The following UBE3D variants were observed in gnomAD, a reference collection of about 807,000 sequenced individuals.
UBE3D encodes the protein E3 ubiquitin-protein ligase E3D.
Under a neutral mutation model 49.6 loss-of-function variants are expected in UBE3D, and 48 were observed. The observed-to-expected ratio is 0.97, with a 90% CI of 0.77 to 1.23. The LOEUF (loss-of-function observed/expected upper bound fraction) is 1.23. UBE3D is among the 50% of genes most tolerant of loss of function. The pLI is 0.00. For synonymous variants in UBE3D, 189 were observed against 174.2 expected, an observed-to-expected ratio of 1.08 and a Z score of -0.67; for missense variants, 452 against 468.4, an observed-to-expected ratio of 0.96 and a Z score of 0.32.
chr6:82,983,379 T>C (rs6911938), intron 8 of UBE3D, among the ~76,000 whole-genome samples: 26,782 of 151,750 alleles, frequency 0.18, 2,515 homozygotes, highest in African/African-American at 0.24. Flanking sequence ...CAAGCTCTTG[T>C]AATACTACAT....
At chr6:82,939,450 G>T (rs1217242552) in intron 9 of UBE3D, among the ~76,000 whole-genome samples, 2 of 152,202 alleles carry the variant, frequency 1.3e-5, no homozygotes, top group East Asian at 3.8e-4. Context: ...ATGTACAACA[G>T]TAGTCTCATA....
intron 8 of UBE3D, among the ~76,000 whole-genome samples, chr6:82,959,785 T>A (rs73749482): frequency 0.034 from 5,125 of 150,158 alleles, 141 homozygotes; most frequent in East Asian, 0.1. Context: ...GCCTGCCTTT[T>A]ACACACCAGT....
intron 9 of UBE3D, among the ~76,000 whole-genome samples, chr6:82,902,788 G>C (rs1771832494): frequency 6.6e-6 from 1 of 152,166 alleles, no homozygotes; most frequent in Admixed American, 6.5e-5. Context: ...TCAGTAGTTT[G>C]TATAAGCTCT....
chr6:82,894,621 C>G (rs1445299427), intron 9 of UBE3D, among the ~76,000 whole-genome samples: 1 of 152,202 alleles, frequency 6.6e-6, no homozygotes, highest in Non-Finnish European at 1.5e-5. Context: ...CCCTTCAAAA[C>G]TTAATAATAA....
At chr6:82,929,526 T>C (rs1165049439) in intron 9 of UBE3D, among the ~76,000 whole-genome samples, 1 of 152,092 alleles carries the variant, frequency 6.6e-6, no homozygotes, top group African/African-American at 2.4e-5. Context: ...TTTCTGTCAG[T>C]CTAGCAAAGT....
rs369029986 is a variant in UBE3D, at chr6:82,966,507, G to A, written c.1011-9057C>T. Among the ~76,000 whole-genome samples the A allele has an allele frequency of 3.8e-4, 46 of 120,784 alleles. 7 individuals are homozygous for A. The East Asian group carries it at 7.0e-3, about 18-fold the overall frequency. The allele number at this position is 120,784 out of a possible 152,430, so 79.2% of individuals were successfully genotyped here. A position where few individuals can be genotyped will look rare whatever the true frequency, so the allele number is the denominator to read the frequency against. On this transcript the variant is annotated intron_variant, in intron 8 of 9. Transcript: ENST00000369747. ...CTACTAAAAATACAAAAAATTAGCC[G>A]GGCGTAGTGGCGGGCGCCTGTAGTC... is the stretch of plus-strand genomic sequence containing the variant.
chr6:83,026,804 G>C (rs779498350), intron 5 of UBE3D, among the ~76,000 whole-genome samples: 5 of 151,940 alleles, frequency 3.3e-5, no homozygotes, highest in Non-Finnish European at 5.9e-5. Flanking sequence ...TGATCCTTCC[G>C]CATCAGCCTC....
At chr6:82,887,645 G>T (rs1434983090), downstream of UBE3D, among the ~76,000 whole-genome samples, 2 of 151,010 alleles carry the variant, frequency 1.3e-5, no homozygotes, top group Non-Finnish European at 2.9e-5. Context: ...GGAGATGGAG[G>T]TTGCGGTGAG....
chr6:82,989,639 C>A (rs927697073), intron 8 of UBE3D, among the ~76,000 whole-genome samples: 1 of 151,986 alleles, frequency 6.6e-6, no homozygotes, highest in Non-Finnish European at 1.5e-5. Context: ...AAAAGCAGGG[C>A]GAGGTCCCGG....
At chr6:82,881,105 T>A in the UBE3D span, among the ~76,000 whole-genome samples, 1 of 152,158 alleles carries the variant, frequency 6.6e-6, no homozygotes, top group African/African-American at 2.4e-5. Flanking sequence ...GGACAGAAAC[T>A]TTCAGTCAGT....
intron 9 of UBE3D, among the ~76,000 whole-genome samples, chr6:82,936,612 A>G (rs560740871): frequency 5.8e-4 from 89 of 152,320 alleles, no homozygotes; most frequent in Non-Finnish European, 1.1e-3. Context: ...GCTTTGGACT[A>G]TATACCAGAC....
chr6:82,938,789 G>T (rs1211805506), intron 9 of UBE3D: 1 of 151,866 alleles, frequency 6.6e-6, no homozygotes, highest in African/African-American at 2.4e-5. Flanking sequence ...TCTACTTCAG[G>T]GCTATTGAAT....
At chr6:82,935,853 T>C (rs1774529563) in intron 9 of UBE3D, among the ~76,000 whole-genome samples, 1 of 151,840 alleles carries the variant, frequency 6.6e-6, no homozygotes, top group African/African-American at 2.4e-5. Flanking sequence ...CATTTCCAGA[T>C]GTACAAAGAC....
intron 9 of UBE3D, among the ~76,000 whole-genome samples, chr6:82,898,262 C>G (rs756927811): frequency 6.6e-6 from 1 of 152,176 alleles, no homozygotes; most frequent in African/African-American, 2.4e-5. Context: ...TTGTGGAAGA[C>G]AGTATGGCGA....
the UBE3D span, among the ~76,000 whole-genome samples, chr6:82,886,939 AAC>A: frequency 3.9e-5 from 6 of 152,146 alleles, no homozygotes; most frequent in Non-Finnish European, 8.8e-5. Context: ...ATTGGCACTA[AAC>A]AGAGTATGTA....
chr6:82,923,282 C>T (rs1053580967), intron 9 of UBE3D, among the ~76,000 whole-genome samples: 1 of 152,144 alleles, frequency 6.6e-6, no homozygotes, highest in Admixed American at 6.5e-5. Context: ...CAGCACTATT[C>T]ACAATAGCAA....
intron 9 of UBE3D, among the ~76,000 whole-genome samples, chr6:82,951,683 C>A (rs1775808840): frequency 6.6e-6 from 1 of 152,132 alleles, no homozygotes; most frequent in Admixed American, 6.5e-5. Flanking sequence ...GGAACAGGTA[C>A]AGGGTGGGAA....
At chr6:82,972,504 G>C (rs187103148) in intron 8 of UBE3D, among the ~76,000 whole-genome samples, 1 of 152,264 alleles carries the variant, frequency 6.6e-6, no homozygotes, top group East Asian at 1.9e-4. Flanking sequence ...AAGCCCTCAA[G>C]TTTAAGCCTT....
In UBE3D at chr6:83,033,736, C is replaced by T. The variant is rs375710815; in HGVS notation, c.667+4680G>A. ...TTCCTGTATAGGCTGCAGTACCATA[C>T]GCCAATTAAACCTCTATTTTCTTTA... On this transcript the variant is annotated intron_variant, in intron 5 of 9. Coordinates refer to ENST00000369747, the MANE Select transcript of UBE3D (RefSeq NM_198920.3). Among the ~76,000 whole-genome samples, 70 of 152,278 alleles carry T rather than the reference C, an allele frequency of 4.6e-4. 1 individual carries two copies. The South Asian group carries it at 6.4e-3, about 14-fold the overall frequency.
Sources: gnomAD v4.1 joint callset for allele counts (sites outside exome capture counted in the v4.1 genomes callset) on GRCh38, gnomAD v4.1.1 for gene constraint, MANE v1.5 for transcripts, NCBI Gene and HGNC (gene_info 2026-07-23, HGNC 2026-07-21) for gene names.